The following TUSC3 variants were observed in gnomAD, a reference collection of about 807,000 sequenced individuals.
TUSC3 encodes dolichyl-diphosphooligosaccharide--protein glycosyltransferase subunit TUSC3.
In TUSC3, 45 loss-of-function variants were observed where a neutral mutation model predicts 44.8. The ratio of observed to expected loss-of-function variants is 1.00; its 90% confidence interval spans 0.79 to 1.29. The LOEUF (loss-of-function observed/expected upper bound fraction) is 1.29, where lower values mean the gene tolerates loss of function less well. Ranked by LOEUF, TUSC3 falls within the 50% of genes most tolerant of loss-of-function variation. TUSC3 has a pLI of 0.00. For missense variants in TUSC3, 519 were observed against 437.9 expected (o/e 1.19, Z -1.65); for synonymous variants, 212 against 152.9 (o/e 1.39, Z -2.85).
chr8:15,644,066 C>T (rs1273205969), intron 2 of TUSC3, among the ~76,000 whole-genome samples: 2 of 152,106 alleles, frequency 1.3e-5, no homozygotes, highest in African/African-American at 2.4e-5. Context: ...AAATTATATT[C>T]ATCATGGGAA....
downstream of TUSC3, among the ~76,000 whole-genome samples, chr8:15,767,927 C>G (rs1307710441): frequency 6.6e-6 from 1 of 152,066 alleles, no homozygotes; most frequent in Non-Finnish European, 1.5e-5. Flanking sequence ...GGAAACAATG[C>G]TACATGTAAC....
At chr8:15,606,032 G>T (rs982877611) in intron 1 of TUSC3, among the ~76,000 whole-genome samples, 9 of 151,904 alleles carry the variant, frequency 5.9e-5, no homozygotes, top group African/African-American at 1.9e-4. Context: ...TTTTCATTCT[G>T]TTTAATGTAA....
intron 10 of TUSC3, among the ~76,000 whole-genome samples, chr8:15,758,986 A>G (rs944863737): frequency 6.6e-5 from 10 of 152,120 alleles, no homozygotes; most frequent in Non-Finnish European, 1.2e-4. Flanking sequence ...GCAATCTTCT[A>G]TTACAGAGAA....
chr8:15,620,916 G>A (rs569139350), intron 1 of TUSC3, among the ~76,000 whole-genome samples: 14 of 152,168 alleles, frequency 9.2e-5, no homozygotes, highest in Admixed American at 4.6e-4. Context: ...GTATAAATGG[G>A]ATTTTTAAAT....
chr8:15,418,820 A>T lies in TUSC3; in HGVS notation n.91+1515A>T, dbSNP rs1371119513. ...CAGCAGTTCAAGACCAGCCTGGGCA[A>T]CATAGCCACACCTTATCTTTACAAA... On this transcript the variant is annotated intron_variant and non_coding_transcript_variant, in intron 1 of 5. Transcript: ENST00000503191. Among the ~76,000 whole-genome samples, 6 of 152,314 alleles carry T rather than the reference A, an allele frequency of 3.9e-5. No individual in the cohort carries two copies. The East Asian group carries it at 9.7e-4, about 25-fold the overall frequency.
chr8:15,492,446 G>A (rs2129125946), intron 2 of TUSC3, among the ~76,000 whole-genome samples: 1 of 152,242 alleles, frequency 6.6e-6, no homozygotes, highest in South Asian at 2.1e-4. Flanking sequence ...AGTCAGTAGG[G>A]GGAAAGTCAC....
intron 1 of TUSC3, among the ~76,000 whole-genome samples, chr8:15,443,908 A>G (rs1800057027): frequency 1.3e-5 from 2 of 151,984 alleles, no homozygotes; most frequent in African/African-American, 2.4e-5. Context: ...ACTCAGCCCA[A>G]GAGGACAACT....
intron 1 of TUSC3, among the ~76,000 whole-genome samples, chr8:15,566,285 A>G (rs1255786046): frequency 6.6e-6 from 1 of 152,102 alleles, no homozygotes; most frequent in African/African-American, 2.4e-5. Context: ...CAGCAGTTTT[A>G]TTGTCAGTGT....
At chr8:15,700,256 A>G (rs548676383) in intron 6 of TUSC3, among the ~76,000 whole-genome samples, 4 of 152,280 alleles carry the variant, frequency 2.6e-5, no homozygotes, top group African/African-American at 7.2e-5. Flanking sequence ...ATTTAATTCA[A>G]TTCAATGAAT....
chr8:15,661,054 A>G (rs1443756974), intron 4 of TUSC3, among the ~76,000 whole-genome samples: 1 of 151,850 alleles, frequency 6.6e-6, no homozygotes, highest in African/African-American at 2.4e-5. Context: ...TGTGATTATC[A>G]TTCTCCCTGC....
downstream of TUSC3, among the ~76,000 whole-genome samples, chr8:15,770,411 G>C (rs536799780): frequency 1.1e-4 from 16 of 152,250 alleles, no homozygotes; most frequent in East Asian, 3.1e-3. Flanking sequence ...CCTGTCAGGG[G>C]ATCAGGGGCT....
At chr8:15,742,725 C>T (rs967869022) in intron 7 of TUSC3, among the ~76,000 whole-genome samples, 1 of 152,216 alleles carries the variant, frequency 6.6e-6, no homozygotes, top group South Asian at 2.1e-4. Context: ...TCATTTTTCT[C>T]TTCAATTTTT....
intron 1 of TUSC3, among the ~76,000 whole-genome samples, chr8:15,587,432 CTT>C (rs1803646652): frequency 6.6e-6 from 1 of 152,042 alleles, no homozygotes; most frequent in Admixed American, 6.6e-5. Flanking sequence ...ATTTTTAAAT[CTT>C]TTAGTTGACA....
At chr8:15,572,505 C>A (rs1014107061) in intron 1 of TUSC3, among the ~76,000 whole-genome samples, 1 of 152,148 alleles carries the variant, frequency 6.6e-6, no homozygotes, top group Non-Finnish European at 1.5e-5. Flanking sequence ...TGCTTTCTTA[C>A]CATTGATGTG....
At chr8:15,655,757 C>G (rs1317998925) in intron 3 of TUSC3, among the ~76,000 whole-genome samples, 1 of 152,178 alleles carries the variant, frequency 6.6e-6, no homozygotes, top group East Asian at 1.9e-4. Flanking sequence ...ATATATGTAG[C>G]TGTTTAGCTC....
intron 1 of TUSC3, among the ~76,000 whole-genome samples, chr8:15,613,379 G>T (rs1804845968): frequency 1.3e-5 from 2 of 152,234 alleles, no homozygotes; most frequent in African/African-American, 4.8e-5. Flanking sequence ...GTTGTTGTTA[G>T]ATCATGACCT....
At chr8:15,792,821 G>T in the TUSC3 span, among the ~76,000 whole-genome samples, 1 of 151,916 alleles carries the variant, frequency 6.6e-6, no homozygotes, top group Non-Finnish European at 1.5e-5. Context: ...GTTTTGCCAC[G>T]TTGCCCAAGC....
chr8:15,793,422 CTTCTTAT>C, the TUSC3 span, among the ~76,000 whole-genome samples: 2 of 152,006 alleles, frequency 1.3e-5, no homozygotes, highest in South Asian at 4.1e-4. Context: ...GGCCTTTGCA[CTTCTTAT>C]TTCTTCTGCT....
chr8:15,795,021 T>A, the TUSC3 span, among the ~76,000 whole-genome samples: 1 of 152,156 alleles, frequency 6.6e-6, no homozygotes, highest in African/African-American at 2.4e-5. Flanking sequence ...GCCACTCTAA[T>A]AACTACTGTA....
Sources: gnomAD v4.1 joint callset for allele counts (sites outside exome capture counted in the v4.1 genomes callset) on GRCh38, gnomAD v4.1.1 for gene constraint, MANE v1.5 for transcripts, NCBI Gene and HGNC (gene_info 2026-07-23, HGNC 2026-07-21) for gene names.